GRID2: variants seen among roughly 807,000 people sequenced by gnomAD.
GRID2 encodes the protein glutamate receptor ionotropic, delta-2.
A neutral mutation model predicts 114.8 loss-of-function variants in GRID2; 33 were observed. The observed-to-expected ratio is 0.29, with a 90% CI of 0.22 to 0.38. The LOEUF (loss-of-function observed/expected upper bound fraction) is 0.38. Among genes scored for constraint, GRID2 ranks in the 10% least tolerant of loss-of-function variants. The pLI, the probability that GRID2 is intolerant of heterozygous loss-of-function variation, is 1.00. For missense variants in GRID2, 1,184 were observed against 1,257.7 expected (o/e 0.94, Z 0.89); for synonymous variants, 505 against 449.9 (o/e 1.12, Z -1.55).
intron 9 of GRID2, among the ~76,000 whole-genome samples, chr4:93,417,236 C>A (rs1560598458): frequency 6.6e-6 from 1 of 151,998 alleles, no homozygotes; most frequent in South Asian, 2.1e-4. Flanking sequence ...TTGCAAAGGA[C>A]CCCTAATCCC....
chr4:93,745,738 T>C (rs1000030608), intron 14 of GRID2, among the ~76,000 whole-genome samples: 5 of 152,204 alleles, frequency 3.3e-5, no homozygotes. Context: ...ATGTACTGTT[T>C]ACAAATGAAA....
intron 13 of GRID2, among the ~76,000 whole-genome samples, chr4:93,584,112 G>A (rs1486849251): frequency 6.6e-6 from 1 of 152,116 alleles, no homozygotes; most frequent in Non-Finnish European, 1.5e-5. Flanking sequence ...AACTGTTTCT[G>A]AGTAAAATAT....
chr4:93,349,484 CAAAT>C lies in GRID2; in HGVS notation c.1246-46119_1246-46116del, dbSNP rs1001156364. Among the ~76,000 whole-genome samples the C allele has an allele frequency of 2.2e-4, 33 of 151,800 alleles. 1 individual carries two copies. The highest frequency in any genetic ancestry group is 1.3e-4 in the Admixed American group (2 of 15,202). ...TTCATGGAAATTTTCAGAATATTCT[CAAAT>C]AAAGAAAGCATGCTGAAAAAAAGTT... On this transcript the variant is annotated intron_variant, in intron 8 of 15. Transcript: ENST00000282020.
At chr4:92,440,338 A>G (rs1337408275) in intron 1 of GRID2, among the ~76,000 whole-genome samples, 1 of 140,070 alleles carries the variant, frequency 7.1e-6, no homozygotes, top group Non-Finnish European at 1.6e-5. Flanking sequence ...AAACTGAGGA[A>G]TTATGTCTGA....
intron 2 of GRID2, among the ~76,000 whole-genome samples, chr4:92,927,553 A>C (rs1749903921): frequency 6.6e-6 from 1 of 151,744 alleles, no homozygotes; most frequent in Non-Finnish European, 1.5e-5. Context: ...ATCATTTATA[A>C]TGGGTAGTAA....
intron 2 of GRID2, among the ~76,000 whole-genome samples, chr4:92,879,778 A>T (rs1333854807): frequency 6.6e-6 from 1 of 152,232 alleles, no homozygotes; most frequent in Non-Finnish European, 1.5e-5. Context: ...AGTTAAGTAA[A>T]CATCATGCAA....
At chr4:92,922,098 G>C (rs1054267410) in intron 2 of GRID2, among the ~76,000 whole-genome samples, 2 of 152,186 alleles carry the variant, frequency 1.3e-5, no homozygotes, top group Non-Finnish European at 2.9e-5. Context: ...ATCTCAGACT[G>C]CTGTGCTAGC....
intron 2 of GRID2, among the ~76,000 whole-genome samples, chr4:92,817,894 A>T (rs533069011): frequency 6.6e-6 from 1 of 152,206 alleles, no homozygotes; most frequent in Middle Eastern, 3.4e-3. Flanking sequence ...GAGGAAACAG[A>T]TACAGAGGAG....
At chr4:93,456,604 T>C (rs1723220255) in intron 11 of GRID2, among the ~76,000 whole-genome samples, 1 of 152,180 alleles carries the variant, frequency 6.6e-6, no homozygotes, top group South Asian at 2.1e-4. Context: ...TGGCTCTCAC[T>C]GTTTCAAAAT....
chr4:92,677,186 T>C (rs978260975), intron 2 of GRID2, among the ~76,000 whole-genome samples: 12 of 152,264 alleles, frequency 7.9e-5, no homozygotes, highest in South Asian at 2.1e-4. Context: ...GTTCTGAAGA[T>C]GGATGGTGGT....
chr4:92,355,231 A>T (rs1025148464), intron 1 of GRID2, among the ~76,000 whole-genome samples: 2 of 151,914 alleles, frequency 1.3e-5, no homozygotes, highest in African/African-American at 2.4e-5. Context: ...TTCTAAAAAG[A>T]TACATAGCTC....
At chr4:93,442,048 G>A (rs1721672034) in intron 10 of GRID2, among the ~76,000 whole-genome samples, 1 of 151,966 alleles carries the variant, frequency 6.6e-6, no homozygotes, top group Non-Finnish European at 1.5e-5. Context: ...ACTTCTCATA[G>A]AGACAAACTG....
chr4:93,733,680 C>T (rs1430188794), intron 14 of GRID2, among the ~76,000 whole-genome samples: 1 of 151,996 alleles, frequency 6.6e-6, no homozygotes, highest in Non-Finnish European at 1.5e-5. Flanking sequence ...TTGTTTTCCC[C>T]CAATTTGCTT....
At chr4:93,053,037 G>A (rs1469899416) in intron 2 of GRID2, among the ~76,000 whole-genome samples, 2 of 151,894 alleles carry the variant, frequency 1.3e-5, no homozygotes, top group African/African-American at 4.8e-5. Flanking sequence ...GGTACCATCG[G>A]TGGAAGAAAT....
intron 2 of GRID2, among the ~76,000 whole-genome samples, chr4:92,914,785 A>T (rs1263392272): frequency 6.6e-6 from 1 of 152,092 alleles, no homozygotes; most frequent in Admixed American, 6.6e-5. Flanking sequence ...ATTCTATGGT[A>T]TATCTGAACT....
At chr4:92,637,771 T>G (rs1731143757) in intron 2 of GRID2, among the ~76,000 whole-genome samples, 2 of 151,944 alleles carry the variant, frequency 1.3e-5, no homozygotes, top group African/African-American at 4.8e-5. Context: ...ATTCTAACAT[T>G]AGTAGAAAGA....
intron 2 of GRID2, among the ~76,000 whole-genome samples, chr4:92,661,285 AT>A (rs1732502046): frequency 6.6e-6 from 1 of 151,100 alleles, no homozygotes; most frequent in Non-Finnish European, 1.5e-5. Flanking sequence ...GACAAATAAC[AT>A]TAAAAAGTCA....
chr4:93,543,499 T>C (rs1732863073), intron 13 of GRID2, among the ~76,000 whole-genome samples: 1 of 152,194 alleles, frequency 6.6e-6, no homozygotes, highest in Non-Finnish European at 1.5e-5. Context: ...GGTATTGTTA[T>C]AAACTGGATT....
chr4:92,488,806 C>T (rs1207109722), intron 1 of GRID2, among the ~76,000 whole-genome samples: 1 of 152,100 alleles, frequency 6.6e-6, no homozygotes, highest in African/African-American at 2.4e-5. Context: ...CAGGAAACTC[C>T]CATCTGTTTA....
Sources: allele counts gnomAD v4.1 joint callset (sites outside exome capture counted in the v4.1 genomes callset), GRCh38; gene constraint gnomAD v4.1.1; transcripts MANE v1.5; gene names NCBI Gene and HGNC (gene_info 2026-07-23, HGNC 2026-07-21).